YTHDC2: variants seen among roughly 807,000 people sequenced by gnomAD.
The protein encoded by YTHDC2 is 3'-5' RNA helicase YTHDC2.
YTHDC2 carries 45 observed loss-of-function variants against 174.9 expected under a neutral mutation model. The observed-to-expected ratio is 0.26, with a 90% CI of 0.20 to 0.33. The LOEUF is 0.33. Among genes scored for constraint, YTHDC2 ranks in the 10% least tolerant of loss-of-function variants. YTHDC2 has a pLI of 1.00. For missense variants in YTHDC2, 1,650 were observed against 1,723.7 expected (o/e 0.96, Z 0.76); for synonymous variants, 657 against 574.5 (o/e 1.14, Z -2.05).
intron 12 of YTHDC2, among the ~76,000 whole-genome samples, chr5:113,551,742 A>G (rs1336512657): frequency 1.3e-5 from 2 of 152,170 alleles, no homozygotes; most frequent in African/African-American, 4.8e-5. Flanking sequence ...GTATCCCAGA[A>G]CTTAAAGTAT....
intron 12 of YTHDC2, among the ~76,000 whole-genome samples, chr5:113,550,301 C>G (rs898220331): frequency 9.9e-5 from 15 of 151,646 alleles, no homozygotes; most frequent in African/African-American, 3.4e-4. Context: ...CTGGCATTGT[C>G]AATCATATTA....
chr5:113,564,696 A>G (rs1018500584), intron 20 of YTHDC2, among the ~76,000 whole-genome samples: 2 of 152,232 alleles, frequency 1.3e-5, no homozygotes, highest in African/African-American at 4.8e-5. Flanking sequence ...GATCCTGGGG[A>G]AGACAAATTA....
chr5:113,564,767 A>G (rs1322744389), intron 20 of YTHDC2, among the ~76,000 whole-genome samples: 4 of 152,164 alleles, frequency 2.6e-5, no homozygotes, highest in African/African-American at 7.2e-5. Context: ...AAACATAGGC[A>G]TTGTATTTAT....
chr5:113,573,580 C>G (rs945336135), intron 23 of YTHDC2, among the ~76,000 whole-genome samples: 3 of 152,168 alleles, frequency 2.0e-5, no homozygotes, highest in Non-Finnish European at 2.9e-5. Flanking sequence ...TGGTTCTATT[C>G]TCTTTTATCT....
Position 113,563,376 on chromosome 5 carries a change from C to A in YTHDC2, c.2326C>A (p.Leu776Ile), listed in dbSNP as rs764620358. 2.1e-5 allele frequency: 34 copies of A among 1,607,868 alleles called. No individual in the cohort carries two copies. In the East Asian group the frequency reaches 7.2e-4, roughly 34 times the overall value. Residue 776 changes from leucine (L) to isoleucine (I), a missense_variant, in exon 19 of 30, where the codon CTT becomes ATT. Physicochemically the swap from Leu to Ile is conservative, Grantham distance 5 (BLOSUM62 2). Coordinates refer to ENST00000161863, the MANE Select transcript of YTHDC2 (RefSeq NM_022828.5). ...TATTTACTGTTTTGGTTTATAGGAA[C>A]TTTGCTTACATACCAAGCTGTTAGC... is the stretch of plus-strand genomic sequence containing the variant. ...PELLRMPLQE[L>I]CLHTKLLAPV...
At chr5:113,554,107 T>C in intron 16 of YTHDC2, 85 bp downstream of exon 16, 1 of 1,234,864 alleles carries the variant, frequency 8.1e-7, no homozygotes, top group South Asian at 2.1e-5. Flanking sequence ...TATTTAGTTG[T>C]TTTTCTTTTA....
At chr5:113,586,889 T>A (rs971583319) in intron 26 of YTHDC2, among the ~76,000 whole-genome samples, 14 of 133,528 alleles carry the variant, frequency 1.0e-4, no homozygotes, top group South Asian at 2.2e-4. Flanking sequence ...ATATATATAA[T>A]ATATAAATAT....
chr5:113,591,794 A>G (rs533619095), intron 27 of YTHDC2, among the ~76,000 whole-genome samples: 1 of 152,278 alleles, frequency 6.6e-6, no homozygotes, highest in Admixed American at 6.5e-5. Flanking sequence ...TTAGGAGGCT[A>G]GAACTGTTTT....
At chr5:113,548,490 G>T in intron 10 of YTHDC2, 51 bp from the exon 11 acceptor site, 2 of 1,533,808 alleles carry the variant, frequency 1.3e-6, no homozygotes, top group Non-Finnish European at 1.8e-6. Context: ...AATGAAAATG[G>T]TTTGAAGTAC....
At position 113,564,629 on chromosome 5, in the gene YTHDC2, AT is replaced by A. The variant is rs201228414; in HGVS notation, c.2715+499del. On this transcript the variant is annotated intron_variant, in intron 20 of 29. Coordinates refer to ENST00000161863, the MANE Select transcript of YTHDC2 (RefSeq NM_022828.5). ...AATCACTTAAAAACCTTTTAAGATA[AT>A]GGTAATGGCAAGTTGAGGAAAGAGG... is the stretch of plus-strand genomic sequence containing the variant. Among the ~76,000 whole-genome samples, 1,291 of 152,292 alleles carry A rather than the reference AT, an allele frequency of 8.5e-3. 6 individuals are homozygous for A. Among genetic ancestry groups the A allele is most frequent in the Non-Finnish European group, 0.013 (863 of 68,022 alleles).
intron 24 of YTHDC2, among the ~76,000 whole-genome samples, chr5:113,580,980 C>G (rs1349504958): frequency 1.3e-5 from 2 of 152,072 alleles, no homozygotes; most frequent in Admixed American, 1.3e-4. Flanking sequence ...GACTTTATCT[C>G]TATGTGTATA....
intron 10 of YTHDC2, among the ~76,000 whole-genome samples, chr5:113,545,204 T>G (rs887336413): frequency 6.6e-6 from 1 of 152,164 alleles, no homozygotes; most frequent in Non-Finnish European, 1.5e-5. Context: ...AGGGACTAGG[T>G]CAATATTTGG....
intron 10 of YTHDC2, among the ~76,000 whole-genome samples, chr5:113,543,548 C>T (rs1775630313): frequency 6.6e-6 from 1 of 152,210 alleles, no homozygotes; most frequent in South Asian, 2.1e-4. Flanking sequence ...TTAACCATTT[C>T]TGTTTTTATG....
Position 113,534,466 on chromosome 5 carries a change from A to G in YTHDC2, c.945+59A>G, listed in dbSNP as rs867862928. 1.6e-5 allele frequency: 23 copies of G among 1,467,732 alleles called. No homozygotes were observed. The Middle Eastern group carries it at 3.7e-3, about 233-fold the overall frequency. 90.9% of individuals were successfully genotyped at this position (1,467,732 alleles called of 1,614,324 possible). ...CAGATTGCTTAAAATTTAAATACAT[A>G]TGCCGTTTCAGGATAGTCTCAAAAA... On this transcript the variant is annotated intron_variant, in intron 6 of 29. Transcript: ENST00000161863.
intron 17 of YTHDC2, among the ~76,000 whole-genome samples, chr5:113,558,719 C>G (rs149563005): frequency 3.9e-3 from 594 of 151,960 alleles, no homozygotes; most frequent in Middle Eastern, 0.017. Flanking sequence ...GTTAGGAGTT[C>G]AAGACCAGCC....
At chr5:113,553,913 A>G (rs766248656) in intron 15 of YTHDC2, 29 bp from the exon 16 acceptor site, 120 of 1,583,626 alleles carry the variant, frequency 7.6e-5, no homozygotes, top group Non-Finnish European at 3.0e-5. Context: ...CTGTTTTTTT[A>G]TTAACTTTAA....
intron 17 of YTHDC2, among the ~76,000 whole-genome samples, chr5:113,559,222 G>A (rs1382533645): frequency 6.6e-6 from 1 of 151,928 alleles, no homozygotes; most frequent in African/African-American, 2.4e-5. Flanking sequence ...AAAACTTTAT[G>A]GAAAATGCAT....
intron 6 of YTHDC2, among the ~76,000 whole-genome samples, chr5:113,534,626 C>A (rs879901889): frequency 2.0e-5 from 3 of 151,630 alleles, no homozygotes; most frequent in Non-Finnish European, 4.4e-5. Context: ...AATAATAAAG[C>A]CATTAGGCTT....
At chr5:113,591,504 G>A (rs1290194617) in intron 27 of YTHDC2, among the ~76,000 whole-genome samples, 1 of 152,012 alleles carries the variant, frequency 6.6e-6, no homozygotes, top group Non-Finnish European at 1.5e-5. Context: ...ATTCTCAAGT[G>A]GATTCAAAGT....
Sources: allele counts gnomAD v4.1 joint callset (sites outside exome capture counted in the v4.1 genomes callset), GRCh38; gene constraint gnomAD v4.1.1; transcripts MANE v1.5; gene names NCBI Gene and HGNC (gene_info 2026-07-23, HGNC 2026-07-21).